The following TENM1 variants were observed in gnomAD, a reference collection of about 807,000 sequenced individuals.
The protein encoded by TENM1 is teneurin-1.
Under a neutral mutation model 174.8 loss-of-function variants are expected in TENM1, and 35 were observed. The observed-to-expected ratio is 0.20, with a 90% CI of 0.15 to 0.27. TENM1 has a LOEUF of 0.27. Ranked by LOEUF, TENM1 falls within the 10% of genes least tolerant of loss-of-function variation. The probability of loss-of-function intolerance (pLI) is 1.00; values close to 1 mark genes in which losing one functional copy is unlikely to be tolerated. For missense variants in TENM1, 1,633 were observed against 2,130.1 expected, an observed-to-expected ratio of 0.77 and a Z score of 4.59; for synonymous variants, 781 against 798.7, an observed-to-expected ratio of 0.98 and a Z score of 0.37.
chrX:124,573,360 G>A (rs977037262), intron 11 of TENM1, among the ~76,000 whole-genome samples: 4 of 111,824 alleles, frequency 3.6e-5, no homozygotes, highest in Non-Finnish European at 5.7e-5. Context: ...AGTGGTTTCT[G>A]CTGCAGAGAA....
intron 20 of TENM1, among the ~76,000 whole-genome samples, chrX:124,489,508 C>T (rs1243812556): frequency 1.8e-5 from 2 of 111,394 alleles, no homozygotes; most frequent in Non-Finnish European, 1.9e-5. Flanking sequence ...AAACTCCATA[C>T]CTATTTGTGG....
chrX:124,836,535 A>T (rs1217778931), intron 3 of TENM1, among the ~76,000 whole-genome samples: 1 of 112,176 alleles, frequency 8.9e-6, no homozygotes, highest in African/African-American at 3.2e-5. Context: ...AAAATTTATA[A>T]AGATTGAAAA....
intron 22 of TENM1, among the ~76,000 whole-genome samples, chrX:124,455,791 G>A (rs1212008491): frequency 9.0e-6 from 1 of 111,490 alleles, no homozygotes; most frequent in Non-Finnish European, 1.9e-5. Context: ...AAAATAAAAT[G>A]AAGTGTTGCT....
the TENM1 span, among the ~76,000 whole-genome samples, chrX:125,134,089 C>T: frequency 9.0e-6 from 1 of 111,562 alleles, no homozygotes; most frequent in Non-Finnish European, 1.9e-5. Flanking sequence ...ACCCCAGACA[C>T]TAGATATCAT....
the TENM1 span, among the ~76,000 whole-genome samples, chrX:125,154,615 G>C: frequency 9.0e-6 from 1 of 111,625 alleles, no homozygotes; most frequent in East Asian, 2.8e-4. Context: ...CGGAATTGGT[G>C]GGTTCTTGGT....
chrX:124,845,453 G>C (rs1348143863), intron 3 of TENM1, among the ~76,000 whole-genome samples: 1 of 111,671 alleles, frequency 9.0e-6, no homozygotes, highest in Non-Finnish European at 1.9e-5. Context: ...AGCATGTAAG[G>C]GGACTCTTTG....
Position 124,503,720 on chromosome X carries a change from A to T in TENM1, c.3302-17T>A. Reference sequence around the variant, plus strand: ...CCACAGATACTGCAAACAAAGAGTTAACAGCACATTAGAAAACTGTAAAAT... The same window carrying T: ...CCACAGATACTGCAAACAAAGAGTTTACAGCACATTAGAAAACTGTAAAAT... On this transcript the variant is annotated splice_polypyrimidine_tract_variant and intron_variant, in intron 18 of 31. Coordinates refer to ENST00000422452, the Ensembl canonical transcript of TENM1. 8.5e-7 allele frequency: 1 copy of T among 1,174,904 alleles called. No homozygotes were observed. The highest frequency in any genetic ancestry group is 1.1e-6 in the Non-Finnish European group (1 of 875,739).
At chrX:124,631,278 A>G (rs1215776291) in intron 11 of TENM1, among the ~76,000 whole-genome samples, 1 of 112,302 alleles carries the variant, frequency 8.9e-6, no homozygotes, top group Non-Finnish European at 1.9e-5. Context: ...TAAATATTTT[A>G]GAAACAAAAA....
At chrX:124,493,222 T>C (rs1287375975) in intron 20 of TENM1, among the ~76,000 whole-genome samples, 2 of 111,899 alleles carry the variant, frequency 1.8e-5, no homozygotes, top group Non-Finnish European at 3.8e-5. Context: ...TTCTATTTTA[T>C]ACTTCAAATG....
At chrX:124,665,737 T>C (rs754321846) in intron 6 of TENM1, among the ~76,000 whole-genome samples, 7 of 112,241 alleles carry the variant, frequency 6.2e-5, no homozygotes, top group African/African-American at 1.6e-4. Flanking sequence ...GTCAAAGCCT[T>C]AGCAGCTGCT....
intron 5 of TENM1, among the ~76,000 whole-genome samples, chrX:124,691,271 T>C (rs1445423188): frequency 9.0e-6 from 1 of 111,478 alleles, no homozygotes; most frequent in Non-Finnish European, 1.9e-5. Context: ...TTCAAAATAA[T>C]GACTCTTCTT....
chrX:124,384,240 C>A (rs1446237092), exon 30 of TENM1: 2 of 1,208,387 alleles, frequency 1.7e-6, no homozygotes, highest in Non-Finnish European at 2.2e-6. Context: ...TCAAAAATAT[C>A]ATTTCCCCTC....
intron 11 of TENM1, among the ~76,000 whole-genome samples, chrX:124,632,560 C>T (rs2050786544): frequency 9.0e-6 from 1 of 110,760 alleles, no homozygotes; most frequent in Non-Finnish European, 1.9e-5. Flanking sequence ...TCCTTCCCAT[C>T]CCTCTTCTCC....
chrX:124,456,828 T>C (rs775217141), intron 22 of TENM1, among the ~76,000 whole-genome samples: 9 of 112,041 alleles, frequency 8.0e-5, no homozygotes, highest in South Asian at 7.5e-4. Flanking sequence ...CTCCAAAACT[T>C]GGTAACCAAT....
At chrX:124,521,096 G>A (rs1160920131) in intron 17 of TENM1, among the ~76,000 whole-genome samples, 1 of 111,636 alleles carries the variant, frequency 9.0e-6, no homozygotes, top group Non-Finnish European at 1.9e-5. Flanking sequence ...CTTAGTAGGA[G>A]TTGAAAAAGA....
At chrX:124,915,739 G>A (rs2057911926) in intron 1 of TENM1, among the ~76,000 whole-genome samples, 1 of 14,155 alleles carries the variant, frequency 7.1e-5, no homozygotes, top group Non-Finnish European at 1.2e-4. Context: ...ATGATTGCAT[G>A]AGTGTAGCTT....
intron 14 of TENM1, among the ~76,000 whole-genome samples, chrX:124,554,585 T>C (rs1198292276): frequency 8.9e-6 from 1 of 112,624 alleles, no homozygotes; most frequent in Non-Finnish European, 1.9e-5. Flanking sequence ...TCCAACCAAA[T>C]CTCAAAAGTA....
At chrX:125,159,984 G>C in the TENM1 span, among the ~76,000 whole-genome samples, 19 of 110,590 alleles carry the variant, frequency 1.7e-4, no homozygotes, top group Non-Finnish European at 1.1e-4. Context: ...CAGATCACTT[G>C]AGGTCAGGAG....
At chrX:124,785,701 T>C (rs144561034) in intron 3 of TENM1, among the ~76,000 whole-genome samples, 2,404 of 112,006 alleles carry the variant, frequency 0.021, 19 homozygotes, top group Middle Eastern at 0.06. Flanking sequence ...TTAGATGCTG[T>C]AACAAGTGCT....
Sources: gnomAD v4.1 joint callset for allele counts (sites outside exome capture counted in the v4.1 genomes callset) on GRCh38, gnomAD v4.1.1 for gene constraint, MANE v1.5 for transcripts, NCBI Gene and HGNC (gene_info 2026-07-23, HGNC 2026-07-21) for gene names.